SLC12A3: variants seen among roughly 807,000 people sequenced by gnomAD.
SLC12A3 encodes the protein solute carrier family 12 member 3.
In SLC12A3, 104 loss-of-function variants were observed where a neutral mutation model predicts 121.0. The ratio of observed to expected loss-of-function variants is 0.86; its 90% CI spans 0.73 to 1.01. The LOEUF (loss-of-function observed/expected upper bound fraction) is 1.01, where lower values mean the gene tolerates loss of function less well. SLC12A3 is among the 50% of genes least tolerant of loss of function. SLC12A3 has a pLI of 0.00. For missense variants in SLC12A3, 1,328 were observed against 1,356.3 expected (o/e 0.98, Z 0.33); for synonymous variants, 536 against 533.4 (o/e 1.00, Z -0.07).
At chr16:56,892,378 G>A (rs1331350268) in intron 20 of SLC12A3, among the ~76,000 whole-genome samples, 3 of 152,176 alleles carry the variant, frequency 2.0e-5, no homozygotes, top group Non-Finnish European at 4.4e-5. Context: ...GGAGGCTGAG[G>A]CAGGAGTTCC....
intron 10 of SLC12A3, 85 bp downstream of exon 10, chr16:56,879,312 G>T: frequency 6.4e-7 from 1 of 1,563,842 alleles, no homozygotes. Flanking sequence ...AAGTTTGTTG[G>T]GGGGACATAG....
At position 56,878,040 on chromosome 16, in the gene SLC12A3, C is replaced by G. The variant is rs1454070739; in HGVS notation, c.1096-37C>G. The G allele has an allele frequency of 8.2e-6, 5 of 610,092 alleles. No individual in the cohort carries two copies. In the Admixed American group the frequency reaches 9.3e-5, roughly 11 times the overall value. The allele number at this position is 610,092 out of a possible 1,614,324, so 37.8% of individuals were successfully genotyped here. A position where few individuals can be genotyped will look rare whatever the true frequency, so the allele number is the denominator to read the frequency against. Reference sequence around the variant, plus strand: ...CCTCCGTCCCTCCCTCCCTCTCTCCCTCCCTCCCTCCCTCCCTCTCTCCCT... The same window carrying G: ...CCTCCGTCCCTCCCTCCCTCTCTCCGTCCCTCCCTCCCTCCCTCTCTCCCT... On this transcript the variant is annotated intron_variant, in intron 8 of 25. Coordinates refer to ENST00000563236, the MANE Select transcript of SLC12A3 (RefSeq NM_001126108.2).
intron 25 of SLC12A3, among the ~76,000 whole-genome samples, chr16:56,911,436 C>T (rs914394427): frequency 6.8e-6 from 1 of 147,212 alleles, no homozygotes; most frequent in Non-Finnish European, 1.5e-5. Context: ...ACGATCCTCC[C>T]GCCTCAGCAT....
chr16:56,867,083 A>T lies in SLC12A3; in HGVS notation c.296A>T (p.His99Leu), dbSNP rs779559035. The change falls in exon 2 of 26, where the codon CAC (histidine) becomes CTC (leucine). Residue 99 changes from histidine (H) to leucine (L), a missense_variant. Physicochemically the swap from His to Leu is moderately conservative, Grantham distance 99. Transcript: ENST00000563236. Reference protein sequence around the residue: ...LHSFLKQEGRHLHALAFDSRP... With the variant: ...LHSFLKQEGRLLHALAFDSRP... ...CTGGGCTGCCAGCAGGAAGGCAGAC[A>T]CCTGCATGCCCTGGCCTTTGACAGC... The T allele has an allele frequency of 1.9e-6, 3 of 1,613,224 alleles. No homozygotes were observed. Among genetic ancestry groups the T allele is most frequent in the Admixed American group, 1.7e-5 (1 of 60,002 alleles).
At chr16:56,877,491 G>A (rs1021586478) in intron 8 of SLC12A3, among the ~76,000 whole-genome samples, 2 of 152,330 alleles carry the variant, frequency 1.3e-5, no homozygotes, top group East Asian at 3.9e-4. Context: ...AAAATTTGGG[G>A]TGTATCCTAT....
At chr16:56,902,531 G>GGGGGGCCC in intron 24 of SLC12A3, 23 bp downstream of exon 24, 8 of 714,466 alleles carry the variant, frequency 1.1e-5, no homozygotes, top group Non-Finnish European at 1.4e-5. Flanking sequence ...GTGGGGGTGG[G>GGGGGGCCC]AAACGCGACA....
intron 25 of SLC12A3, chr16:56,904,923 C>T (rs555464354): frequency 7.0e-5 from 20 of 286,744 alleles, no homozygotes; most frequent in Admixed American, 4.6e-4. Flanking sequence ...ACTGGACCCA[C>T]GTCCAGTTCT....
At chr16:56,904,372 C>A (rs370896606) in intron 24 of SLC12A3, 23 bp from the exon 25 acceptor site, 5 of 1,611,820 alleles carry the variant, frequency 3.1e-6, no homozygotes, top group Non-Finnish European at 4.2e-6. Context: ...TGGGAAGTGA[C>A]CACTCGGCTT....
chr16:56,880,045 A>AGCCG (rs2055217523), intron 11 of SLC12A3, 85 bp from the exon 12 acceptor site: 1 of 1,558,856 alleles, frequency 6.4e-7, no homozygotes, highest in African/African-American at 1.3e-5. Flanking sequence ...GAGGGCACCG[A>AGCCG]GCCGGGGCTG....
chr16:56,900,076 G>A (rs1382893986), intron 23 of SLC12A3, among the ~76,000 whole-genome samples: 6 of 152,138 alleles, frequency 3.9e-5, no homozygotes, highest in African/African-American at 2.4e-5. Context: ...ATCAGTGTGC[G>A]TGAGGTTTTC....
intron 8 of SLC12A3, among the ~76,000 whole-genome samples, chr16:56,875,491 C>T (rs2055154178): frequency 6.6e-6 from 1 of 152,110 alleles, no homozygotes; most frequent in African/African-American, 2.4e-5. Context: ...CGGGGGCCTG[C>T]CCAGGACTAC....
In SLC12A3 at chr16:56,894,608, G is replaced by A. The variant is rs370301695; in HGVS notation, c.2599G>A (p.Gly867Ser). 2.2e-5 allele frequency: 36 copies of A among 1,613,966 alleles called. No homozygotes were observed. Among genetic ancestry groups the A allele is most frequent in the East Asian group, 4.5e-5 (2 of 44,892 alleles). ...SKCKIRVFVG[G>S]QINRMDQERK... ...ATGCAAGATCCGTGTGTTCGTAGGC[G>A]GCCAGATTAACAGGATGGACCAGGA... The change falls in exon 22 of 26, where the codon GGC becomes AGC. Residue 867 changes from glycine to serine, a missense_variant. Physicochemically the swap from Gly to Ser is moderately conservative, Grantham distance 56. Transcript: ENST00000563236.
At position 56,893,041 on chromosome 16, in the gene SLC12A3, CTT is replaced by C. The variant is rs2055411543; in HGVS notation, c.2510_2511del (p.Phe837Ter). 3.1e-6 allele frequency: 5 copies of C among 1,614,080 alleles called. No individual in the cohort carries two copies. The East Asian group carries it at 8.9e-5, about 29-fold the overall frequency. On this transcript the variant is annotated frameshift_variant, in exon 21 of 26. Transcript: ENST00000563236. LOFTEE classifies it high-confidence loss of function. ...AGAAGACCATAGACATCTACTGGCT[CTT>C]TGACGATGGAGGTCAGTGACCCCCT... ...GKKTIDIYWLFDDGGLTLLIP... is the reference protein window; with the variant it reads ...GKKTIDIYWLXDDGGLTLLIP...
chr16:56,870,959 C>G (rs924728104), intron 6 of SLC12A3, among the ~76,000 whole-genome samples: 2 of 152,080 alleles, frequency 1.3e-5, no homozygotes, highest in Admixed American at 1.3e-4. Flanking sequence ...CTCAGCCTCC[C>G]GAGTAGCTGG....
intron 21 of SLC12A3, among the ~76,000 whole-genome samples, chr16:56,893,383 C>A (rs1262014553): frequency 2.0e-5 from 3 of 152,098 alleles, no homozygotes; most frequent in Non-Finnish European, 4.4e-5. Context: ...TGAAATATAA[C>A]CTCTCCCATT....
At chr16:56,871,912 G>A (rs1196945287) in intron 6 of SLC12A3, among the ~76,000 whole-genome samples, 3 of 152,062 alleles carry the variant, frequency 2.0e-5, no homozygotes, top group Non-Finnish European at 2.9e-5. Context: ...TAGTATAGAC[G>A]GGGTTTCACC....
At chr16:56,908,589 C>T (rs2055641258) in intron 25 of SLC12A3, among the ~76,000 whole-genome samples, 1 of 152,112 alleles carries the variant, frequency 6.6e-6, no homozygotes, top group Admixed American at 6.6e-5. Flanking sequence ...AAACAAGGGA[C>T]CCTCCGGAGC....
intron 8 of SLC12A3, among the ~76,000 whole-genome samples, chr16:56,873,473 G>A (rs1222224267): frequency 2.4e-5 from 3 of 123,988 alleles, no homozygotes; most frequent in Admixed American, 1.0e-4. Context: ...TGCAACCTCC[G>A]CCTCCCGGGT....
chr16:56,899,129 T>C (rs2055504012), intron 22 of SLC12A3, among the ~76,000 whole-genome samples: 1 of 152,240 alleles, frequency 6.6e-6, no homozygotes, highest in South Asian at 2.1e-4. Flanking sequence ...GCTACCCCCA[T>C]GTTCTACAAG....
Sources: allele counts gnomAD v4.1 joint callset (sites outside exome capture counted in the v4.1 genomes callset), GRCh38; gene constraint gnomAD v4.1.1; transcripts MANE v1.5; gene names NCBI Gene and HGNC (gene_info 2026-07-23, HGNC 2026-07-21).